PRPF6: variants seen among roughly 807,000 people sequenced by gnomAD.
The protein encoded by PRPF6 is pre-mRNA-processing factor 6.
PRPF6 carries 42 observed loss-of-function variants against 118.3 expected under a neutral mutation model. The ratio of observed to expected loss-of-function variants is 0.35; its 90% CI spans 0.28 to 0.46. PRPF6 has a LOEUF of 0.46. Ranked by LOEUF, PRPF6 falls within the 20% of genes least tolerant of loss-of-function variation. The probability of loss-of-function intolerance (pLI) is 1.00; values close to 1 mark genes in which losing one functional copy is unlikely to be tolerated. For missense variants in PRPF6, 662 were observed against 1,255.7 expected (o/e 0.53, Z 7.15); for synonymous variants, 481 against 485.1 (o/e 0.99, Z 0.11).
intron 9 of PRPF6, 50 bp downstream of exon 9, chr20:64,001,289 C>G (rs56967431): frequency 1.3e-6 from 2 of 1,598,432 alleles, no homozygotes; most frequent in Non-Finnish European, 1.7e-6. Context: ...GGCCCCTCCT[C>G]TCAGCAGCTT....
At chr20:64,010,984 C>T (rs1213320451) in intron 10 of PRPF6, among the ~76,000 whole-genome samples, 1 of 152,188 alleles carries the variant, frequency 6.6e-6, no homozygotes, top group Non-Finnish European at 1.5e-5. Flanking sequence ...CCTCATCCTG[C>T]TCGTCTGTGC....
At chr20:64,009,715 C>G (rs1601523040) in intron 9 of PRPF6, among the ~76,000 whole-genome samples, 1 of 152,208 alleles carries the variant, frequency 6.6e-6, no homozygotes, top group African/African-American at 2.4e-5. Flanking sequence ...GAATGAGACT[C>G]TGTCTCAAAA....
At position 64,029,358 on chromosome 20, in the gene PRPF6, C is replaced by G. The variant is rs2059304839; in HGVS notation, c.2432-19C>G. The stretch of plus-strand genomic sequence containing the variant: ...AGAGGCTGGAGTGCAAATCTTTGTT[C>G]TTTGTTTCTGAATTATAGGTATCCT... On this transcript the variant is annotated intron_variant, in intron 18 of 20. Transcript: ENST00000266079. This position sits in a 1 kb window ranked among gnomAD's most constrained non-coding sequence, Gnocchi z 4.8. 2 of 1,609,798 alleles carry G rather than the reference C, an allele frequency of 1.2e-6. No individual in the cohort carries two copies. Among genetic ancestry groups the G allele is most frequent in the African/African-American group, 1.3e-5 (1 of 74,934 alleles).
intron 1 of PRPF6, among the ~76,000 whole-genome samples, chr20:63,982,265 C>G (rs754732105): frequency 6.6e-6 from 1 of 152,148 alleles, no homozygotes; most frequent in Admixed American, 6.5e-5. Flanking sequence ...CTCTGCCCCC[C>G]GGGTTCAAGC....
At chr20:64,016,595 A>T in intron 11 of PRPF6, 128 bp from the exon 12 acceptor site, 1 of 1,227,890 alleles carries the variant, frequency 8.1e-7, no homozygotes, top group Non-Finnish European at 1.2e-6. Context: ...TCAGATCCCC[A>T]GTAGGCAGTG....
intron 3 of PRPF6, among the ~76,000 whole-genome samples, chr20:63,987,189 A>AAGG (rs1555916398): frequency 1.8e-4 from 21 of 117,116 alleles, no homozygotes; most frequent in Non-Finnish European, 3.5e-4. Flanking sequence ...AAAAAAAAAA[A>AAGG]GGGGGGGGGA....
chr20:64,006,264 G>A (rs561069117), intron 9 of PRPF6, among the ~76,000 whole-genome samples: 13 of 151,802 alleles, frequency 8.6e-5, no homozygotes, highest in African/African-American at 3.1e-4. Context: ...AGGGAGCTGT[G>A]GTCTGCACCC....
At position 64,030,065 on chromosome 20, in the gene PRPF6, G is replaced by A. The variant is rs945540027; in HGVS notation, c.2546+574G>A. Among the ~76,000 whole-genome samples the A allele has an allele frequency of 2.6e-5, 4 of 152,254 alleles. No individual in the cohort carries two copies. The East Asian group carries it at 7.7e-4, about 29-fold the overall frequency. On this transcript the variant is annotated intron_variant, in intron 19 of 20. Transcript: ENST00000266079. Reference sequence around the variant, plus strand: ...GCAGGCAGCAGCGGGTAGCCATGGGGCAGAGCATGCAGACTCTAGGCACAT... The same window carrying A: ...GCAGGCAGCAGCGGGTAGCCATGGGACAGAGCATGCAGACTCTAGGCACAT...
intron 12 of PRPF6, among the ~76,000 whole-genome samples, chr20:64,017,443 G>A (rs7263974): frequency 0.16 from 21,267 of 135,332 alleles, 1,757 homozygotes; most frequent in East Asian, 0.36. Context: ...GATCACAGGC[G>A]TGAGCCGCCC....
At chr20:63,995,612 C>A in intron 6 of PRPF6, 130 bp downstream of exon 6, 2 of 1,076,006 alleles carry the variant, frequency 1.9e-6, no homozygotes, top group Non-Finnish European at 2.7e-6. Flanking sequence ...TCTTCTCCTT[C>A]TCCTTTTTTT....
At chr20:64,032,368 A>C (rs1469252974) in intron 20 of PRPF6, among the ~76,000 whole-genome samples, 1 of 152,168 alleles carries the variant, frequency 6.6e-6, no homozygotes, top group East Asian at 1.9e-4. Context: ...ATGGGAATGG[A>C]GTTGGCCTTT....
At chr20:64,016,576 C>A in intron 11 of PRPF6, 147 bp from the exon 12 acceptor site, 1 of 1,006,570 alleles carries the variant, frequency 9.9e-7, no homozygotes, top group Non-Finnish European at 1.5e-6. Context: ...GTGCAGTAGA[C>A]TCACTTCCTC....
At chr20:63,985,180 G>A (rs561691361) in intron 3 of PRPF6, among the ~76,000 whole-genome samples, 155 bp downstream of exon 3, 2 of 152,138 alleles carry the variant, frequency 1.3e-5, no homozygotes, top group South Asian at 2.1e-4. Flanking sequence ...TGTGGGCAAC[G>A]TAGGGAGACT....
chr20:64,031,689 AAAC>A (rs1214938779), intron 19 of PRPF6, among the ~76,000 whole-genome samples: 4 of 148,140 alleles, frequency 2.7e-5, no homozygotes, highest in Non-Finnish European at 5.9e-5. Context: ...AAAAAAAAAA[AAAC>A]AACAAAAAAA....
chr20:64,019,602 C>A (rs1198793548), intron 12 of PRPF6, among the ~76,000 whole-genome samples: 1 of 152,194 alleles, frequency 6.6e-6, no homozygotes, highest in Non-Finnish European at 1.5e-5. Flanking sequence ...TGTGAAGGTC[C>A]AAGGAGGCGA....
chr20:63,993,009 A>G (rs2059125117), intron 3 of PRPF6, among the ~76,000 whole-genome samples: 1 of 152,034 alleles, frequency 6.6e-6, no homozygotes, highest in East Asian at 1.9e-4. Context: ...CAAGGTCAGG[A>G]GTTCGAGAAC....
chr20:64,020,978 G>C (rs2059259954), intron 12 of PRPF6, among the ~76,000 whole-genome samples: 1 of 152,112 alleles, frequency 6.6e-6, no homozygotes, highest in Non-Finnish European at 1.5e-5. Flanking sequence ...GTAGAGACAG[G>C]GTTTTACCAT....
chr20:63,989,266 A>G (rs1329059747), intron 3 of PRPF6, among the ~76,000 whole-genome samples: 1 of 152,192 alleles, frequency 6.6e-6, no homozygotes, highest in East Asian at 1.9e-4. Context: ...CTCAAGCTGA[A>G]ACTACTAGAA....
intron 11 of PRPF6, among the ~76,000 whole-genome samples, chr20:64,015,413 G>A (rs144038488): frequency 1.5e-3 from 232 of 152,316 alleles, no homozygotes; most frequent in African/African-American, 5.2e-3. Context: ...TCTGCTTTCT[G>A]TCTGGGATGG....
Sources: allele counts gnomAD v4.1 joint callset (sites outside exome capture counted in the v4.1 genomes callset), GRCh38; gene constraint gnomAD v4.1.1; non-coding constraint Gnocchi (gnomAD v3.1); transcripts MANE v1.5; gene names NCBI Gene and HGNC (gene_info 2026-07-23, HGNC 2026-07-21).